The following PRAG1 variants were observed in gnomAD, a reference collection of about 807,000 sequenced individuals.
The protein encoded by PRAG1 is PEAK1 related, kinase-activating pseudokinase 1, also known as inactive tyrosine-protein kinase PRAG1.
In PRAG1, 110 loss-of-function variants were observed where a neutral mutation model predicts 95.6. That is an observed-to-expected ratio of 1.15 (90% confidence interval 0.99 to 1.35). The LOEUF is 1.35. PRAG1 is among the 40% of genes most tolerant of loss of function. The pLI is 0.00. For missense variants in PRAG1, 2,554 were observed against 1,864.7 expected, an observed-to-expected ratio of 1.37 and a Z score of -6.81; for synonymous variants, 1,052 against 819.4, an observed-to-expected ratio of 1.28 and a Z score of -4.85.
intron 4 of PRAG1, among the ~76,000 whole-genome samples, chr8:8,337,471 A>G (rs1389629109): frequency 6.0e-5 from 9 of 150,716 alleles, no homozygotes; most frequent in Non-Finnish European, 1.2e-4. Context: ...GTCAAAAAGA[A>G]GAGAGAGAGA....
At chr8:8,335,536 T>G (rs1291840512) in intron 4 of PRAG1, among the ~76,000 whole-genome samples, 1 of 150,484 alleles carries the variant, frequency 6.6e-6, no homozygotes, top group Non-Finnish European at 1.5e-5. Context: ...TCTCTGTTGT[T>G]TGAATTTTTA....
intron 1 of PRAG1, among the ~76,000 whole-genome samples, chr8:8,386,119 G>A (rs1282949955): frequency 6.6e-6 from 1 of 152,154 alleles, no homozygotes. Flanking sequence ...CAGCTCCTCG[G>A]TCCTCCCGGC....
chr8:8,337,421 T>A lies in PRAG1; in HGVS notation c.2320+2057A>T, dbSNP rs559520062. Among the ~76,000 whole-genome samples, 44 of 152,308 alleles carry A rather than the reference T, an allele frequency of 2.9e-4. 1 individual carries two copies. In the Middle Eastern group the frequency reaches 0.024, roughly 82 times the overall value. On this transcript the variant is annotated intron_variant, in intron 4 of 5. Transcript: ENST00000615670. ...TTTCTCATATTACATGACCAGTAGT[T>A]CTGTATATTCTCCAGATTAATGATT...
At chr8:8,367,926 C>A (rs544895524) in intron 3 of PRAG1, among the ~76,000 whole-genome samples, 6 of 152,190 alleles carry the variant, frequency 3.9e-5, no homozygotes, top group African/African-American at 1.4e-4. Flanking sequence ...CAGGCGTGAG[C>A]CATCACGCCT....
chr8:8,371,460 C>G (rs908382438), intron 3 of PRAG1, among the ~76,000 whole-genome samples: 1 of 151,914 alleles, frequency 6.6e-6, no homozygotes, highest in Middle Eastern at 3.2e-3. Flanking sequence ...GGGGTTTCAC[C>G]GTGTTAGCCA....
intron 3 of PRAG1, among the ~76,000 whole-genome samples, chr8:8,373,514 A>G (rs116304863): frequency 2.4e-3 from 352 of 146,924 alleles, no homozygotes; most frequent in African/African-American, 8.4e-3. Context: ...CAGTGGCACA[A>G]TCATAGCTCA....
chr8:8,375,868 A>G lies in PRAG1; in HGVS notation c.2162+379T>C, dbSNP rs536251774. On this transcript the variant is annotated intron_variant, in intron 3 of 5. Coordinates refer to ENST00000615670, the MANE Select transcript of PRAG1 (RefSeq NM_001080826.3). ...ATAACCTCCTTTTGCCCTCTTTTGC[A>G]TGTTTAAATTAACGGAAAATATTCA... is the stretch of plus-strand genomic sequence containing the variant. Among the ~76,000 whole-genome samples the G allele has an allele frequency of 4.6e-5, 7 of 152,228 alleles. No individual in the cohort carries two copies. The South Asian group carries it at 1.5e-3, about 32-fold the overall frequency.
intron 3 of PRAG1, among the ~76,000 whole-genome samples, chr8:8,340,413 A>G (rs1190161385): frequency 1.3e-5 from 2 of 152,230 alleles, no homozygotes; most frequent in African/African-American, 2.4e-5. Context: ...CAAGGGCCAC[A>G]TGAATATTCA....
intron 5 of PRAG1, among the ~76,000 whole-genome samples, chr8:8,321,212 G>A (rs1265393036): frequency 2.0e-5 from 3 of 152,108 alleles, no homozygotes; most frequent in Non-Finnish European, 2.9e-5. Flanking sequence ...AGCCTCCCGA[G>A]TAGCTGGGAC....
chr8:8,367,591 T>G (rs575675750), intron 3 of PRAG1, among the ~76,000 whole-genome samples: 1 of 152,108 alleles, frequency 6.6e-6, no homozygotes, highest in African/African-American at 2.4e-5. Flanking sequence ...AAGGTCATAT[T>G]ACTTACTACT....
rs752920518 is a variant in PRAG1 at position 8,377,275 on chromosome 8, C to G, written c.1134G>C (p.Gln378His). ...LMKEPAPEKQ[Q>H]DPGCPGVTPS... The stretch of plus-strand genomic sequence containing the variant: ...GGGTCACCCCTGGGCAGCCAGGGTC[C>G]TGCTGCTTCTCTGGGGCAGGTTCCT... Residue 378 changes from glutamine to histidine, a missense_variant, in exon 3 of 6, where the codon CAG (glutamine) becomes CAC (histidine). Coordinates refer to ENST00000615670, the MANE Select transcript of PRAG1 (RefSeq NM_001080826.3). The G allele has an allele frequency of 6.2e-7, 1 of 1,612,894 alleles. No individual in the cohort carries two copies. The highest frequency in any genetic ancestry group is 2.2e-5 in the East Asian group (1 of 44,874).
intron 4 of PRAG1, among the ~76,000 whole-genome samples, chr8:8,330,098 G>A (rs949761574): frequency 6.6e-6 from 1 of 152,194 alleles, no homozygotes; most frequent in Non-Finnish European, 1.5e-5. Context: ...GGGCACGGTG[G>A]CTTATGCCTG....
chr8:8,322,663 A>G (rs982565074), intron 5 of PRAG1, among the ~76,000 whole-genome samples: 3 of 152,120 alleles, frequency 2.0e-5, no homozygotes, highest in African/African-American at 7.2e-5. Context: ...AATATTTACA[A>G]TGTGTTCTCA....
intron 3 of PRAG1, among the ~76,000 whole-genome samples, chr8:8,345,737 G>T (rs1036490212): frequency 6.6e-6 from 1 of 152,212 alleles, no homozygotes; most frequent in African/African-American, 2.4e-5. Context: ...GGAGGTTGCA[G>T]TGAGCTGAGA....
rs555248302 is a variant in PRAG1, at chr8:8,377,325, C to A, written c.1084G>T (p.Glu362Ter). 2.5e-6 allele frequency: 4 copies of A among 1,610,070 alleles called. No individual in the cohort carries two copies. The highest frequency in any genetic ancestry group is 3.4e-6 in the Non-Finnish European group (4 of 1,178,914). The change falls in exon 3 of 6, where the codon GAG becomes TAG. Residue 362 changes from glutamate to a stop codon, truncating the protein, a stop_gained. Transcript: ENST00000615670. LOFTEE classifies it high-confidence loss of function. ...GASSPFVPHL[E>*]SDYCSLMKEP... ...TTCATGAGGGAGCAGTAATCACTCTCGAGGTGGGGGACGAAGGGGCTACTG... is the reference window on the plus strand; with the variant it reads ...TTCATGAGGGAGCAGTAATCACTCTAGAGGTGGGGGACGAAGGGGCTACTG...
rs1800474971 is a variant in PRAG1, at chr8:8,377,794, C to G, written c.615G>C (p.Glu205Asp). The part of the protein sequence containing the change: ...FPYQDRPSTQ[E>D]SFRQKLAAFA... ...AGGCAGCCAGTTTCTGGCGGAAGCT[C>G]TCCTGGGTGGAGGGCCGGTCTTGGT... The change falls in exon 3 of 6, where the codon GAG becomes GAC. Residue 205 changes from glutamate (E) to aspartate (D), a missense_variant. Glu to Asp is a conservative substitution (Grantham distance 45). Coordinates refer to ENST00000615670, the MANE Select transcript of PRAG1 (RefSeq NM_001080826.3). 1.2e-6 allele frequency: 2 copies of G among 1,614,166 alleles called. No individual in the cohort carries two copies. The highest frequency in any genetic ancestry group is 1.7e-6 in the Non-Finnish European group (2 of 1,180,052).
intron 3 of PRAG1, among the ~76,000 whole-genome samples, chr8:8,362,934 C>T (rs1192596504): frequency 6.6e-6 from 1 of 151,994 alleles, no homozygotes; most frequent in East Asian, 1.9e-4. Context: ...CTTATAGAAG[C>T]AATAACATTT....
chr8:8,323,229 C>T (rs1483303976), intron 5 of PRAG1, among the ~76,000 whole-genome samples: 2 of 152,054 alleles, frequency 1.3e-5, no homozygotes, highest in Non-Finnish European at 2.9e-5. Flanking sequence ...ATAATCCCCA[C>T]GTGTGGTGGG....
At chr8:8,343,778 A>C (rs1452968597) in intron 3 of PRAG1, among the ~76,000 whole-genome samples, 1 of 152,204 alleles carries the variant, frequency 6.6e-6, no homozygotes, top group Non-Finnish European at 1.5e-5. Context: ...CATGTTTTCT[A>C]ATAAAGCTTT....
Sources: gnomAD v4.1 joint callset for allele counts (sites outside exome capture counted in the v4.1 genomes callset) on GRCh38, gnomAD v4.1.1 for gene constraint, MANE v1.5 for transcripts, NCBI Gene and HGNC (gene_info 2026-07-23, HGNC 2026-07-21) for gene names.